The following GPATCH2 variants were observed in gnomAD, a reference collection of about 807,000 sequenced individuals.
GPATCH2 encodes the protein G patch domain-containing protein 2.
GPATCH2 carries 51 observed loss-of-function variants against 58.0 expected under a neutral mutation model. That is an observed-to-expected ratio of 0.88 (90% CI 0.70 to 1.11). The LOEUF (loss-of-function observed/expected upper bound fraction) is 1.11. Ranked by LOEUF, GPATCH2 falls within the 50% of genes most tolerant of loss-of-function variation. GPATCH2 has a pLI of 0.00. For synonymous variants in GPATCH2, 222 were observed against 218.5 expected, an observed-to-expected ratio of 1.02 and a Z score of -0.14; for missense variants, 625 against 652.2, an observed-to-expected ratio of 0.96 and a Z score of 0.45.
intron 5 of GPATCH2, 70 bp downstream of exon 5, chr1:217,610,251 T>A: frequency 6.7e-7 from 1 of 1,493,160 alleles, no homozygotes; most frequent in African/African-American, 1.4e-5. Flanking sequence ...AGGATGAGGA[T>A]GTGGCTTTTT....
intron 5 of GPATCH2, among the ~76,000 whole-genome samples, chr1:217,556,106 A>G (rs1225402901): frequency 1.3e-5 from 2 of 152,208 alleles, no homozygotes; most frequent in Non-Finnish European, 2.9e-5. Flanking sequence ...TAAAACATGA[A>G]TCTAAACCAT....
intron 5 of GPATCH2, among the ~76,000 whole-genome samples, chr1:217,595,867 G>C (rs971216317): frequency 6.6e-6 from 1 of 152,028 alleles, no homozygotes; most frequent in Non-Finnish European, 1.5e-5. Context: ...TCCTATAAAC[G>C]TGCTCCTTAG....
At chr1:217,588,624 T>C (rs957308212) in intron 5 of GPATCH2, among the ~76,000 whole-genome samples, 3 of 152,088 alleles carry the variant, frequency 2.0e-5, no homozygotes, top group African/African-American at 7.2e-5. Flanking sequence ...ATAAAATAAA[T>C]AGTGCACAAA....
chr1:217,591,261 T>C (rs944291706), intron 5 of GPATCH2, among the ~76,000 whole-genome samples: 1 of 152,104 alleles, frequency 6.6e-6, no homozygotes, highest in Non-Finnish European at 1.5e-5. Flanking sequence ...CATATATATA[T>C]GATGGACATA....
At chr1:217,562,434 T>G (rs964856578) in intron 5 of GPATCH2, among the ~76,000 whole-genome samples, 1 of 152,136 alleles carries the variant, frequency 6.6e-6, no homozygotes, top group Admixed American at 6.6e-5. Context: ...AGGCAACTTA[T>G]GGGAATCAAG....
intron 5 of GPATCH2, among the ~76,000 whole-genome samples, chr1:217,554,822 T>C (rs1665542499): frequency 6.6e-6 from 1 of 152,228 alleles, no homozygotes; most frequent in Admixed American, 6.5e-5. Context: ...CCCCATTCTT[T>C]ATTTTCAAAT....
At chr1:217,476,770 G>C (rs1343588776) in intron 8 of GPATCH2, among the ~76,000 whole-genome samples, 3 of 152,046 alleles carry the variant, frequency 2.0e-5, no homozygotes, top group Non-Finnish European at 4.4e-5. Flanking sequence ...AAGTACTCTG[G>C]GGCTTTAAAT....
At chr1:217,517,942 C>A (rs1198527165) in intron 5 of GPATCH2, among the ~76,000 whole-genome samples, 1 of 152,026 alleles carries the variant, frequency 6.6e-6, no homozygotes, top group Non-Finnish European at 1.5e-5. Flanking sequence ...TTATAATTGA[C>A]AAAACTCTGG....
At chr1:217,510,794 G>GA (rs894508526) in intron 6 of GPATCH2, among the ~76,000 whole-genome samples, 3 of 151,700 alleles carry the variant, frequency 2.0e-5, no homozygotes, top group African/African-American at 7.3e-5. Flanking sequence ...ACCAGTTGCT[G>GA]AAAAAAAAGA....
intron 9 of GPATCH2, among the ~76,000 whole-genome samples, chr1:217,443,536 G>A (rs920445062): frequency 7.2e-5 from 11 of 151,874 alleles, no homozygotes; most frequent in South Asian, 4.2e-4. Flanking sequence ...ATATAGACTC[G>A]TACTTGTTCA....
At chr1:217,585,988 T>TA (rs1247341735) in intron 5 of GPATCH2, among the ~76,000 whole-genome samples, 6 of 152,110 alleles carry the variant, frequency 3.9e-5, no homozygotes, top group East Asian at 1.9e-4. Context: ...AGAAAATCTA[T>TA]AATAAAAAAT....
chr1:217,432,002 A>G (rs535013668), intron 9 of GPATCH2, among the ~76,000 whole-genome samples: 2 of 152,158 alleles, frequency 1.3e-5, no homozygotes, highest in African/African-American at 4.8e-5. Flanking sequence ...TTAAATGATT[A>G]TATAAGTTAG....
chr1:217,516,930 T>G (rs951714663), intron 5 of GPATCH2, among the ~76,000 whole-genome samples: 5 of 152,170 alleles, frequency 3.3e-5, no homozygotes, highest in Non-Finnish European at 7.4e-5. Flanking sequence ...AATCTGAAAT[T>G]TAATAAATGA....
chr1:217,598,100 G>A (rs1367935403), intron 5 of GPATCH2, among the ~76,000 whole-genome samples: 1 of 152,152 alleles, frequency 6.6e-6, no homozygotes, highest in Non-Finnish European at 1.5e-5. Context: ...ATAAAACATA[G>A]GGTCGGTGGG....
At chr1:217,622,026 C>G (rs1228924981) in intron 1 of GPATCH2, among the ~76,000 whole-genome samples, 12 of 152,186 alleles carry the variant, frequency 7.9e-5, no homozygotes, top group Admixed American at 7.8e-4. Context: ...CTCCAGCAAT[C>G]AGGTTCCAGA....
intron 2 of GPATCH2, among the ~76,000 whole-genome samples, chr1:217,616,978 G>T (rs968787440): frequency 6.6e-6 from 1 of 151,662 alleles, no homozygotes; most frequent in Non-Finnish European, 1.5e-5. Context: ...CTATCATATC[G>T]TAATTCACTT....
At chr1:217,484,485 T>A (rs1661356086) in intron 8 of GPATCH2, among the ~76,000 whole-genome samples, 2 of 151,160 alleles carry the variant, frequency 1.3e-5, no homozygotes, top group African/African-American at 4.8e-5. Context: ...CAGCTGAAGA[T>A]CTTGGGACTT....
intron 8 of GPATCH2, among the ~76,000 whole-genome samples, chr1:217,491,071 A>C (rs1661705010): frequency 6.6e-6 from 1 of 152,230 alleles, no homozygotes; most frequent in South Asian, 2.1e-4. Context: ...AATAAAATAA[A>C]TGTAAATATC....
intron 5 of GPATCH2, among the ~76,000 whole-genome samples, chr1:217,540,270 T>G (rs192865572): frequency 6.6e-6 from 1 of 152,174 alleles, no homozygotes; most frequent in African/African-American, 2.4e-5. Flanking sequence ...GAACAGGAAG[T>G]AAGACCCACA....
Sources: gnomAD v4.1 joint callset for allele counts (sites outside exome capture counted in the v4.1 genomes callset) on GRCh38, gnomAD v4.1.1 for gene constraint, MANE v1.5 for transcripts, NCBI Gene and HGNC (gene_info 2026-07-23, HGNC 2026-07-21) for gene names.